Variants in FGFR2 observed in about 807,000 individuals in gnomAD.
The protein encoded by FGFR2 is fibroblast growth factor receptor 2.
FGFR2 carries 19 observed loss-of-function variants against 95.9 expected under a neutral mutation model. That is an observed-to-expected ratio of 0.20 (90% CI 0.14 to 0.29). The LOEUF is 0.29. Among genes scored for constraint, FGFR2 ranks in the 10% least tolerant of loss-of-function variants. The pLI, the probability that FGFR2 is intolerant of heterozygous loss-of-function variation, is 1.00. For missense variants in FGFR2, 707 were observed against 1,056.9 expected, an observed-to-expected ratio of 0.67 and a Z score of 4.59; for synonymous variants, 392 against 393.3, an observed-to-expected ratio of 1.00 and a Z score of 0.04.
chr10:121,505,968 GA>G (rs1230616840), intron 9 of FGFR2, among the ~76,000 whole-genome samples: 2 of 152,148 alleles, frequency 1.3e-5, no homozygotes, highest in African/African-American at 4.8e-5. Flanking sequence ...AAGGTCTTCT[GA>G]AAGTTCTTCC....
At chr10:121,573,961 T>C (rs1312263173) in intron 2 of FGFR2, among the ~76,000 whole-genome samples, 3 of 152,112 alleles carry the variant, frequency 2.0e-5, no homozygotes, top group East Asian at 3.9e-4. Context: ...TGTCGCTACA[T>C]AGTCACTGCA....
chr10:121,481,827 C>CTTTTTTT lies in FGFR2; in HGVS notation c.2302-1807_2302-1806insAAAAAAA, dbSNP rs1172844728. 1,005 of 178,724 alleles carry CTTTTTTT rather than the reference C, an allele frequency of 5.6e-3. 55 individuals are homozygous for CTTTTTTT. Among genetic ancestry groups the CTTTTTTT allele is most frequent in the African/African-American group, 8.1e-3 (277 of 34,194 alleles). The allele number at this position is 178,724 out of a possible 1,614,324, so 11.1% of individuals were successfully genotyped here. On this transcript the variant is annotated intron_variant, in intron 17 of 17. Coordinates refer to ENST00000358487, the MANE Select transcript of FGFR2 (RefSeq NM_000141.5). ...CTTTAGTGCTTTTCCCGGTTTCTTTCTTTTTTATTTTTATTTTTTTTTTTT... is the reference window on the plus strand; with the variant it reads ...CTTTAGTGCTTTTCCCGGTTTCTTTCTTTTTTTTTTTTTATTTTTATTTTTTTTTTTT...
At chr10:121,594,061 G>C (rs945940131) in intron 1 of FGFR2, 94 bp from the exon 2 acceptor site, 3 of 597,244 alleles carry the variant, frequency 5.0e-6, no homozygotes, top group Non-Finnish European at 6.0e-6. Flanking sequence ...CCTCTCAAAT[G>C]TGCGCAAACA....
At chr10:121,509,841 G>A (rs934527347) in intron 9 of FGFR2, among the ~76,000 whole-genome samples, 3 of 151,838 alleles carry the variant, frequency 2.0e-5, no homozygotes, top group African/African-American at 7.3e-5. Context: ...ATTTCTCAGA[G>A]AACAGAGCAA....
intron 6 of FGFR2, among the ~76,000 whole-genome samples, chr10:121,536,490 C>T (rs546295242): frequency 6.2e-4 from 94 of 152,188 alleles, no homozygotes; most frequent in Non-Finnish European, 9.0e-4. Flanking sequence ...ATACACTCCA[C>T]GCTCTCTCTA....
Position 121,563,391 on chromosome 10 carries a change from T to C in FGFR2, c.454+1111A>G, listed in dbSNP as rs141937934. 9.2e-5 allele frequency among the ~76,000 whole-genome samples: 14 copies of C among 152,148 alleles called. No homozygotes were observed. The South Asian group carries it at 2.7e-3, about 29-fold the overall frequency. On this transcript the variant is annotated intron_variant, in intron 4 of 17. Coordinates refer to ENST00000358487, the MANE Select transcript of FGFR2 (RefSeq NM_000141.5). Reference sequence around the variant, plus strand: ...TGCATCTCGGGAAAAAATATATATATATACATAAATTAGCCGGGTGTGGTA... The same window carrying C: ...TGCATCTCGGGAAAAAATATATATACATACATAAATTAGCCGGGTGTGGTA...
intron 6 of FGFR2, among the ~76,000 whole-genome samples, chr10:121,522,897 A>C (rs1199993956): frequency 6.6e-6 from 1 of 152,234 alleles, no homozygotes; most frequent in Non-Finnish European, 1.5e-5. Flanking sequence ...CAGCACACCA[A>C]GGATGTCTCT....
At chr10:121,589,220 G>T (rs1182751931) in intron 2 of FGFR2, among the ~76,000 whole-genome samples, 2 of 152,194 alleles carry the variant, frequency 1.3e-5, no homozygotes, top group Non-Finnish European at 2.9e-5. Flanking sequence ...CCATGGAAAT[G>T]TAAGGGTAAG....
chr10:121,597,058 G>A (rs935370808), intron 1 of FGFR2, among the ~76,000 whole-genome samples: 27 of 152,278 alleles, frequency 1.8e-4, no homozygotes, highest in African/African-American at 6.0e-4. Context: ...TGCCTTTAAG[G>A]GTAGGTTTTA....
At chr10:121,580,489 AC>A (rs1860681692) in intron 2 of FGFR2, among the ~76,000 whole-genome samples, 2 of 152,156 alleles carry the variant, frequency 1.3e-5, no homozygotes, top group Admixed American at 1.3e-4. Context: ...ACCCGTGCAG[AC>A]GCCTGAAGGC....
intron 10 of FGFR2, 82 bp downstream of exon 10, chr10:121,503,708 G>T: frequency 6.6e-7 from 1 of 1,505,164 alleles, no homozygotes; most frequent in Non-Finnish European, 9.2e-7. Flanking sequence ...GTGGCTAAGG[G>T]TCATAAAAAG....
rs532591577 is a variant in FGFR2 at position 121,512,646 on chromosome 10, C to G, written c.1287+2471G>C. On this transcript the variant is annotated intron_variant, in intron 9 of 17. Transcript: ENST00000358487. ...CTGGGTTCAAAGGATCCTCCCGCTTCAGCCTCCTGTGGAGCTAGGATTACA... is the reference window on the plus strand; with the variant it reads ...CTGGGTTCAAAGGATCCTCCCGCTTGAGCCTCCTGTGGAGCTAGGATTACA... Among the ~76,000 whole-genome samples the G allele has an allele frequency of 3.9e-5, 6 of 152,284 alleles. No homozygotes were observed. In the South Asian group the frequency reaches 1.2e-3, roughly 32 times the overall value.
chr10:121,529,961 G>C (rs1041652170), intron 6 of FGFR2, among the ~76,000 whole-genome samples: 1 of 152,156 alleles, frequency 6.6e-6, no homozygotes, highest in Non-Finnish European at 1.5e-5. Flanking sequence ...CCAAAGCAAT[G>C]AGGCTCCCAT....
rs750312209 is a variant in FGFR2, at chr10:121,551,362, G to C, written c.552C>G (p.Asn184Lys). The C allele has an allele frequency of 9.3e-6, 15 of 1,614,178 alleles. No homozygotes were observed. The highest frequency in any genetic ancestry group is 1.6e-4 in the Middle Eastern group (1 of 6,062). ...TVKFRCPAGG[N>K]PMPTMRWLKN... ...TCAGCCACCGCATGGTTGGCATTGGGTTCCCCCCGGCTGGGCAGCGAAACT... is the reference window on the plus strand; with the variant it reads ...TCAGCCACCGCATGGTTGGCATTGGCTTCCCCCCGGCTGGGCAGCGAAACT... The change falls in exon 5 of 18, where the codon AAC (asparagine) becomes AAG (lysine). Residue 184 changes from asparagine (N) to lysine (K), a missense_variant. Physicochemically the swap from Asn to Lys is moderately conservative, Grantham distance 94. This residue lies in a region of FGFR2 where 139 missense variants were observed against 278.1 expected (regional missense o/e 0.50). Coordinates refer to ENST00000358487, the MANE Select transcript of FGFR2 (RefSeq NM_000141.5).
intron 5 of FGFR2, among the ~76,000 whole-genome samples, chr10:121,547,789 A>G (rs968314399): frequency 6.6e-6 from 1 of 152,122 alleles, no homozygotes; most frequent in African/African-American, 2.4e-5. Flanking sequence ...TGCCTTGGTC[A>G]GGCCCCAACA....
At chr10:121,524,969 T>C (rs1454337263) in intron 6 of FGFR2, among the ~76,000 whole-genome samples, 1 of 152,240 alleles carries the variant, frequency 6.6e-6, no homozygotes, top group Non-Finnish European at 1.5e-5. Context: ...TCTTCTTCTA[T>C]GTGATAACAA....
chr10:121,507,964 TA>T (rs1183914717), intron 9 of FGFR2, among the ~76,000 whole-genome samples: 9 of 152,146 alleles, frequency 5.9e-5, no homozygotes, highest in African/African-American at 1.9e-4. Context: ...AAAATACAAA[TA>T]AAAAACAATA....
Position 121,517,047 on chromosome 10 carries a change from A to G in FGFR2, c.1084+272T>C, listed in dbSNP as rs567600652. Among the ~76,000 whole-genome samples the G allele has an allele frequency of 6.6e-6, 1 of 152,312 alleles. No homozygotes were observed. The highest frequency in any genetic ancestry group is 2.4e-5 in the African/African-American group (1 of 41,576). ...TCCTTAAGAGAAAGGGGGATGGGCTAATTTATACATTGGCTCAATGACTCA... is the reference window on the plus strand; with the variant it reads ...TCCTTAAGAGAAAGGGGGATGGGCTGATTTATACATTGGCTCAATGACTCA... On this transcript the variant is annotated intron_variant, in intron 8 of 17. Coordinates refer to ENST00000358487, the MANE Select transcript of FGFR2 (RefSeq NM_000141.5). The surrounding 1 kb of genome is among the most constrained non-coding windows in gnomAD (Gnocchi z 4.7).
Position 121,483,295 on chromosome 10 carries a change from T to C in FGFR2, c.2301+403A>G, listed in dbSNP as rs1166454397. 2.6e-5 allele frequency among the ~76,000 whole-genome samples: 4 copies of C among 152,152 alleles called. No individual in the cohort carries two copies. The East Asian group carries it at 7.7e-4, about 29-fold the overall frequency. On this transcript the variant is annotated intron_variant, in intron 17 of 17. Coordinates refer to ENST00000358487, the MANE Select transcript of FGFR2 (RefSeq NM_000141.5). ...ACTTCATTGTATTCCATCAAGCAAA[T>C]GATGACGAACATTATCAGTTTACCC...
Sources: gnomAD v4.1 joint callset for allele counts (sites outside exome capture counted in the v4.1 genomes callset) on GRCh38, gnomAD v4.1.1 for gene constraint, gnomAD v4.1.1 regional missense constraint, Gnocchi (gnomAD v3.1) non-coding constraint, MANE v1.5 for transcripts, NCBI Gene and HGNC (gene_info 2026-07-23, HGNC 2026-07-21) for gene names.